Variants in GRIK4 observed in about 807,000 individuals in gnomAD.
GRIK4 encodes glutamate receptor ionotropic, kainate 4.
Under a neutral mutation model 104.9 loss-of-function variants are expected in GRIK4, and 40 were observed. The observed-to-expected ratio is 0.38, with a 90% CI of 0.30 to 0.50. The LOEUF (loss-of-function observed/expected upper bound fraction) is 0.50, where lower values mean the gene tolerates loss of function less well. GRIK4 is among the 20% of genes least tolerant of loss of function. GRIK4 has a pLI of 0.93. For synonymous variants in GRIK4, 485 were observed against 524.9 expected (o/e 0.92, Z 1.04); for missense variants, 1,047 against 1,308.1 (o/e 0.80, Z 3.08).
intron 12 of GRIK4, among the ~76,000 whole-genome samples, chr11:120,901,254 A>C (rs1942729117): frequency 6.6e-6 from 1 of 151,772 alleles, no homozygotes; most frequent in African/African-American, 2.4e-5. Context: ...GGCCCAGCCC[A>C]CCTCGCCTTC....
chr11:120,793,581 G>C (rs1036881847), intron 3 of GRIK4, among the ~76,000 whole-genome samples: 2 of 152,194 alleles, frequency 1.3e-5, no homozygotes, highest in African/African-American at 4.8e-5. Context: ...AGAGCCAGGG[G>C]CTGAGAGCAG....
intron 3 of GRIK4, among the ~76,000 whole-genome samples, chr11:120,756,703 C>T (rs1486479498): frequency 1.3e-5 from 2 of 152,184 alleles, no homozygotes; most frequent in Non-Finnish European, 2.9e-5. Context: ...ATAGGGGACA[C>T]AGAGCTCAGA....
chr11:120,968,137 A>G (rs568244726), intron 19 of GRIK4, among the ~76,000 whole-genome samples: 1 of 152,332 alleles, frequency 6.6e-6, no homozygotes, highest in South Asian at 2.1e-4. Flanking sequence ...ATGTTAAATT[A>G]GGCTGAATAG....
intron 2 of GRIK4, among the ~76,000 whole-genome samples, chr11:120,656,659 G>A (rs1443518651): frequency 2.0e-5 from 3 of 152,120 alleles, no homozygotes; most frequent in Non-Finnish European, 2.9e-5. Context: ...TCAGGAGTTC[G>A]AGACCAGCCT....
intron 3 of GRIK4, among the ~76,000 whole-genome samples, chr11:120,797,806 A>G (rs992343301): frequency 7.2e-5 from 11 of 152,218 alleles, no homozygotes; most frequent in African/African-American, 2.7e-4. Context: ...GGGCAGGGAA[A>G]GAGGAATGGG....
At chr11:120,785,639 C>G (rs921554258) in intron 3 of GRIK4, among the ~76,000 whole-genome samples, 2 of 152,194 alleles carry the variant, frequency 1.3e-5, no homozygotes, top group African/African-American at 4.8e-5. Context: ...AAGTGCTTAA[C>G]GTGCCTAACA....
chr11:120,541,309 C>T (rs897973857), intron 1 of GRIK4, among the ~76,000 whole-genome samples: 3 of 152,202 alleles, frequency 2.0e-5, no homozygotes, highest in African/African-American at 7.2e-5. Context: ...GCACTTATCA[C>T]GGTGTGTTGA....
intron 3 of GRIK4, among the ~76,000 whole-genome samples, chr11:120,750,268 A>G (rs1951524808): frequency 6.6e-6 from 1 of 152,056 alleles, no homozygotes; most frequent in Admixed American, 6.6e-5. Context: ...CTGAATTGAA[A>G]AAAACAAATT....
intron 1 of GRIK4, among the ~76,000 whole-genome samples, chr11:120,530,821 G>T (rs994209744): frequency 1.3e-5 from 2 of 152,170 alleles, no homozygotes; most frequent in African/African-American, 4.8e-5. Context: ...AGAGCTGGAT[G>T]GCATTTTGGG....
At chr11:120,531,683 C>T (rs1298058489) in intron 1 of GRIK4, among the ~76,000 whole-genome samples, 1 of 152,046 alleles carries the variant, frequency 6.6e-6, no homozygotes, top group Non-Finnish European at 1.5e-5. Context: ...TCAAGCAATT[C>T]TCTTGCCTCA....
At chr11:120,895,427 T>C (rs1333959113) in intron 11 of GRIK4, among the ~76,000 whole-genome samples, 1 of 152,166 alleles carries the variant, frequency 6.6e-6, no homozygotes, top group Non-Finnish European at 1.5e-5. Context: ...GCCAATTCTA[T>C]CCATTTTTCA....
chr11:120,530,840 A>G (rs1383845233), intron 1 of GRIK4, among the ~76,000 whole-genome samples: 4 of 152,056 alleles, frequency 2.6e-5, no homozygotes, highest in African/African-American at 9.7e-5. Flanking sequence ...GGATGAGGAG[A>G]ACTCTGATTG....
At chr11:120,624,717 C>T (rs886399514) in intron 1 of GRIK4, among the ~76,000 whole-genome samples, 1 of 152,212 alleles carries the variant, frequency 6.6e-6, no homozygotes, top group East Asian at 1.9e-4. Context: ...TCCTCTTCCT[C>T]CATTAGCGTA....
At chr11:120,683,430 G>A (rs1191378969) in intron 3 of GRIK4, among the ~76,000 whole-genome samples, 1 of 152,144 alleles carries the variant, frequency 6.6e-6, no homozygotes, top group Non-Finnish European at 1.5e-5. Context: ...ATTCTATGTG[G>A]CACATGTTAA....
At chr11:120,926,554 G>A (rs1025136055) in intron 13 of GRIK4, among the ~76,000 whole-genome samples, 1 of 152,232 alleles carries the variant, frequency 6.6e-6, no homozygotes, top group African/African-American at 2.4e-5. Context: ...CTAAGATTAT[G>A]CAGTTAGTAA....
chr11:120,536,481 A>G (rs1316106741), intron 1 of GRIK4, among the ~76,000 whole-genome samples: 3 of 152,228 alleles, frequency 2.0e-5, no homozygotes, highest in Admixed American at 6.5e-5. Context: ...CTGGTTGAAC[A>G]ATTGGACCTG....
At chr11:120,522,960 C>T (rs1947812899) in intron 1 of GRIK4, among the ~76,000 whole-genome samples, 1 of 151,906 alleles carries the variant, frequency 6.6e-6, no homozygotes, top group Non-Finnish European at 1.5e-5. Context: ...CAAGGCTGGG[C>T]CCTTACAAAA....
intron 14 of GRIK4, among the ~76,000 whole-genome samples, chr11:120,943,610 C>T (rs183861750): frequency 4.3e-4 from 66 of 152,168 alleles, no homozygotes; most frequent in African/African-American, 1.5e-3. Context: ...ACTGGGTGTT[C>T]GTTGTTTTGC....
intron 1 of GRIK4, among the ~76,000 whole-genome samples, chr11:120,532,081 T>C (rs1947929464): frequency 6.6e-6 from 1 of 152,154 alleles, no homozygotes; most frequent in Non-Finnish European, 1.5e-5. Flanking sequence ...AGGTGCACGA[T>C]TGAACACGGA....
Sources: allele counts gnomAD v4.1 joint callset (sites outside exome capture counted in the v4.1 genomes callset), GRCh38; gene constraint gnomAD v4.1.1; transcripts MANE v1.5; gene names NCBI Gene and HGNC (gene_info 2026-07-23, HGNC 2026-07-21).